VWA8: variants seen among roughly 807,000 people sequenced by gnomAD.
VWA8 encodes the protein von Willebrand factor A domain containing 8.
In VWA8, 221 loss-of-function variants were observed where a neutral mutation model predicts 241.5. That is an observed-to-expected ratio of 0.91 (90% confidence interval 0.82 to 1.02). VWA8 has a LOEUF of 1.02. Ranked by LOEUF, VWA8 falls within the 50% of genes least tolerant of loss-of-function variation. VWA8 has a pLI of 0.00. For missense variants in VWA8, 2,322 were observed against 2,328.7 expected (o/e 1.00, Z 0.06); for synonymous variants, 852 against 827.1 (o/e 1.03, Z -0.52).
chr13:41,650,867 T>C (rs2044864934), intron 37 of VWA8, among the ~76,000 whole-genome samples: 1 of 152,102 alleles, frequency 6.6e-6, no homozygotes, highest in Non-Finnish European at 1.5e-5. Flanking sequence ...CATGCAGCCT[T>C]AAAGGAAGAG....
intron 9 of VWA8, among the ~76,000 whole-genome samples, chr13:41,871,313 T>G (rs1396894020): frequency 1.3e-5 from 2 of 152,158 alleles, no homozygotes; most frequent in Admixed American, 6.5e-5. Flanking sequence ...TTTTTTAAAT[T>G]TATTATTATA....
chr13:41,830,512 A>C lies in VWA8; in HGVS notation c.1700+17T>G, dbSNP rs776515900. Reference sequence around the variant, plus strand: ...TTAACAATAAATTAGCAATGGGAGTAATGGACCCCAAATTACCTCTTCTGT... The same window carrying C: ...TTAACAATAAATTAGCAATGGGAGTCATGGACCCCAAATTACCTCTTCTGT... On this transcript the variant is annotated intron_variant, in intron 14 of 44. Coordinates refer to ENST00000379310, the MANE Select transcript of VWA8 (RefSeq NM_015058.2). 1 of 1,591,876 alleles carries C rather than the reference A, an allele frequency of 6.3e-7. No homozygotes were observed. Among genetic ancestry groups the C allele is most frequent in the Non-Finnish European group, 8.6e-7 (1 of 1,160,846 alleles).
chr13:41,644,453 G>A (rs2044817749), intron 37 of VWA8, among the ~76,000 whole-genome samples: 2 of 152,202 alleles, frequency 1.3e-5, no homozygotes, highest in Non-Finnish European at 2.9e-5. Flanking sequence ...CAGATTCCCG[G>A]CCAGGGCCAC....
chr13:41,925,992 C>T (rs1876812873), intron 2 of VWA8: 1 of 395,094 alleles, frequency 2.5e-6, no homozygotes, highest in African/African-American at 2.1e-5. Flanking sequence ...AGGTAGGATC[C>T]ATGCTAAAAG....
chr13:41,594,189 C>T (rs1280792802), intron 40 of VWA8, among the ~76,000 whole-genome samples: 1 of 151,262 alleles, frequency 6.6e-6, no homozygotes, highest in African/African-American at 2.4e-5. Flanking sequence ...GATCATAGCT[C>T]ACTGCACCCT....
At chr13:41,839,089 T>C (rs1020849636) in intron 12 of VWA8, among the ~76,000 whole-genome samples, 13 of 152,170 alleles carry the variant, frequency 8.5e-5, no homozygotes, top group Admixed American at 3.9e-4. Context: ...TCCACAATGG[T>C]TGAACTAATT....
At chr13:41,648,242 G>GA (rs2044845092) in intron 37 of VWA8, among the ~76,000 whole-genome samples, 2 of 152,026 alleles carry the variant, frequency 1.3e-5, no homozygotes, top group Non-Finnish European at 2.9e-5. Context: ...TTTAGCATTG[G>GA]AAAAAACCCT....
intron 21 of VWA8, among the ~76,000 whole-genome samples, chr13:41,758,514 GAATA>G (rs949452096): frequency 2.1e-5 from 3 of 140,300 alleles, no homozygotes; most frequent in Non-Finnish European, 3.1e-5. Flanking sequence ...GGAATATATG[GAATA>G]TATATATATG....
chr13:41,912,321 A>G (rs1348531797), intron 2 of VWA8, among the ~76,000 whole-genome samples, 153 bp from the exon 3 acceptor site: 1 of 151,806 alleles, frequency 6.6e-6, no homozygotes, highest in African/African-American at 2.4e-5. Flanking sequence ...AAATATATAT[A>G]AACATATGCA....
In VWA8 at chr13:41,931,703, T is replaced by TA. The variant is rs140348272; in HGVS notation, c.241+18232dup. Among the ~76,000 whole-genome samples, 661 of 148,048 alleles carry TA rather than the reference T, an allele frequency of 4.5e-3. 4 individuals carry two copies. Among genetic ancestry groups the TA allele is most frequent in the African/African-American group, 0.01 (406 of 40,438 alleles). On this transcript the variant is annotated intron_variant, in intron 2 of 44. Transcript: ENST00000379310. ...ATGTTATATGTTACATATAAAAAAT[T>TA]AAAAAAAAAACTAACACATGGGCAA...
At chr13:41,778,880 C>T (rs1380162292) in intron 19 of VWA8, among the ~76,000 whole-genome samples, 2 of 121,126 alleles carry the variant, frequency 1.7e-5, no homozygotes, top group Non-Finnish European at 3.2e-5. Context: ...CTTACTCTAT[C>T]GCCCAGGCTG....
chr13:41,621,942 C>A (rs905635966), intron 37 of VWA8, among the ~76,000 whole-genome samples: 2 of 152,128 alleles, frequency 1.3e-5, no homozygotes, highest in Non-Finnish European at 2.9e-5. Context: ...CAGTTTCACA[C>A]CAACCCCAAA....
intron 22 of VWA8, 65 bp downstream of exon 22, chr13:41,732,015 A>C: frequency 1.4e-6 from 2 of 1,458,140 alleles, no homozygotes; most frequent in Non-Finnish European, 9.5e-7. Flanking sequence ...CCATCCTCCA[A>C]AAACTGAAAT....
chr13:41,796,189 G>A (rs1869693988), intron 17 of VWA8, among the ~76,000 whole-genome samples: 1 of 151,942 alleles, frequency 6.6e-6, no homozygotes, highest in South Asian at 2.1e-4. Flanking sequence ...ATTCTTATCT[G>A]CTTTAGGTGT....
chr13:41,766,607 A>C (rs1176613916), intron 20 of VWA8, among the ~76,000 whole-genome samples: 1 of 152,170 alleles, frequency 6.6e-6, no homozygotes, highest in Non-Finnish European at 1.5e-5. Flanking sequence ...TGACTACAAT[A>C]GCTCATCCTT....
intron 17 of VWA8, among the ~76,000 whole-genome samples, chr13:41,794,783 C>T (rs962184591): frequency 6.6e-6 from 1 of 152,044 alleles, no homozygotes; most frequent in African/African-American, 2.4e-5. Context: ...ATCCTTATGC[C>T]TTATACAAAA....
intron 40 of VWA8, among the ~76,000 whole-genome samples, chr13:41,597,473 G>A (rs1566381608): frequency 2.6e-5 from 4 of 151,992 alleles, no homozygotes; most frequent in Admixed American, 2.0e-4. Context: ...CTTATTCTAA[G>A]GGATTCATGT....
chr13:41,763,194 T>C (rs1404045114), intron 20 of VWA8, among the ~76,000 whole-genome samples: 3 of 151,880 alleles, frequency 2.0e-5, no homozygotes, highest in Admixed American at 6.6e-5. Flanking sequence ...GAGGCTGAGG[T>C]GGAAGGATCT....
At chr13:41,838,173 GT>G (rs547659689) in intron 12 of VWA8, among the ~76,000 whole-genome samples, 91 of 152,208 alleles carry the variant, frequency 6.0e-4, no homozygotes, top group African/African-American at 2.0e-3. Flanking sequence ...TGCTTTAAAT[GT>G]TTTTAGTACC....
Sources: allele counts gnomAD v4.1 joint callset (sites outside exome capture counted in the v4.1 genomes callset), GRCh38; gene constraint gnomAD v4.1.1; transcripts MANE v1.5; gene names NCBI Gene and HGNC (gene_info 2026-07-23, HGNC 2026-07-21).